Variants in RASSF3 observed in about 807,000 individuals in gnomAD.
RASSF3 encodes the protein Ras association domain family member 3, also known as ras association domain-containing protein 3.
RASSF3 carries 19 observed loss-of-function variants against 19.9 expected under a neutral mutation model. The ratio of observed to expected loss-of-function variants is 0.96; its 90% CI spans 0.67 to 1.40. The LOEUF (loss-of-function observed/expected upper bound fraction) is 1.40, where lower values mean the gene tolerates loss of function less well. RASSF3 is among the 40% of genes most tolerant of loss of function. The probability of loss-of-function intolerance (pLI) is 0.00; values close to 1 mark genes in which losing one functional copy is unlikely to be tolerated. For missense variants in RASSF3, 306 were observed against 289.8 expected (o/e 1.06, Z -0.41); for synonymous variants, 110 against 104.2 (o/e 1.06, Z -0.34).
chr12:64,624,793 G>T (rs929017902), intron 1 of RASSF3, among the ~76,000 whole-genome samples: 13 of 151,950 alleles, frequency 8.6e-5, no homozygotes, highest in Non-Finnish European at 1.9e-4. Context: ...CGAGTAGCTG[G>T]AACTACAGGC....
chr12:64,583,376 C>T (rs1869736108), intron 2 of RASSF3, among the ~76,000 whole-genome samples: 1 of 152,216 alleles, frequency 6.6e-6, no homozygotes, highest in African/African-American at 2.4e-5. Context: ...AATCCCAGCA[C>T]TTTGGGAGGC....
rs1347557539 is a variant in RASSF3, at chr12:64,520,551, CACACATATATATATATATATATATAT to C, written c.169+13224_169+13249del. On this transcript the variant is annotated intron_variant, in intron 1 of 5. Coordinates refer to the RASSF3 transcript ENST00000637125. ...GTATACACACACAGATACACACATACACACATATATATATATATATATATATATATATATATATATATATGCACATA... is the reference window on the plus strand; with the variant it reads ...GTATACACACACAGATACACACATACATATATATATATATATATGCACATA... Among the ~76,000 whole-genome samples, 241 of 120,126 alleles carry C rather than the reference CACACATATATATATATATATATATAT, an allele frequency of 2.0e-3. 2 individuals are homozygous for C. Among genetic ancestry groups the C allele is most frequent in the Middle Eastern group, 4.2e-3 (1 of 238 alleles). The allele number at this position is 120,126 out of a possible 152,430, so 78.8% of individuals were successfully genotyped here.
intron 3 of RASSF3, among the ~76,000 whole-genome samples, chr12:64,689,388 A>G (rs144803223): frequency 1.1e-3 from 172 of 152,344 alleles, no homozygotes; most frequent in African/African-American, 3.8e-3. Flanking sequence ...GTATGCATAC[A>G]TCTTTTTAAA....
At chr12:64,604,877 G>A (rs569700047) in intron 2 of RASSF3, among the ~76,000 whole-genome samples, 1 of 151,628 alleles carries the variant, frequency 6.6e-6, no homozygotes, top group Admixed American at 6.6e-5. Flanking sequence ...CGCCCGCCTC[G>A]GCCTCCCAAA....
Position 64,507,229 on chromosome 12 carries a change from TGA to T in RASSF3, c.72_73del (p.Glu24AspfsTer35). 2.5e-6 allele frequency: 1 copy of T among 398,670 alleles called. No individual in the cohort carries two copies. The highest frequency in any genetic ancestry group is 1.3e-4 in the South Asian group (1 of 7,862). 24.7% of individuals were successfully genotyped at this position (398,670 alleles called of 1,614,324 possible). On this transcript the variant is annotated frameshift_variant, in exon 1 of 6. Coordinates refer to the RASSF3 transcript ENST00000637125. LOFTEE classifies it high-confidence loss of function. The stretch of plus-strand genomic sequence containing the variant: ...CTATGGCCATAAGAAGTGACTTTCA[TGA>T]GACCTTCAGAAGAATAGCCCGGCTC...
intron 1 of RASSF3, among the ~76,000 whole-genome samples, chr12:64,522,179 A>G (rs1868491371): frequency 6.6e-6 from 1 of 152,228 alleles, no homozygotes; most frequent in Non-Finnish European, 1.5e-5. Context: ...AGAAGAATGA[A>G]CATCTTTGAA....
intron 1 of RASSF3, among the ~76,000 whole-genome samples, chr12:64,645,334 A>C (rs1871692310): frequency 1.3e-5 from 2 of 152,122 alleles, no homozygotes; most frequent in South Asian, 4.1e-4. Flanking sequence ...CATTTATAGG[A>C]TAAAGTACAT....
rs1054084322 is a variant in RASSF3, at chr12:64,548,347, T to A, written c.294+6642T>A. Among the ~76,000 whole-genome samples, 27 of 148,248 alleles carry A rather than the reference T, an allele frequency of 1.8e-4. No homozygotes were observed. The Middle Eastern group carries it at 0.01, about 57-fold the overall frequency. ...ACCATCATGCCCAGCTAGTTTTTTT[T>A]ATTTTTATTTATTTATTTTTTTTGT... On this transcript the variant is annotated intron_variant, in intron 2 of 5. Transcript: ENST00000637125.
intron 2 of RASSF3, among the ~76,000 whole-genome samples, chr12:64,595,902 G>A (rs1869992505): frequency 6.6e-6 from 1 of 152,122 alleles, no homozygotes; most frequent in Non-Finnish European, 1.5e-5. Flanking sequence ...ATAGAAACCA[G>A]AACCCCTTTT....
intron 1 of RASSF3, among the ~76,000 whole-genome samples, chr12:64,673,445 A>G (rs1261369893): frequency 3.3e-5 from 5 of 152,084 alleles, no homozygotes; most frequent in African/African-American, 1.2e-4. Flanking sequence ...CTATTTGAAA[A>G]CTTACTGTTG....
chr12:64,567,078 C>A lies in RASSF3; in HGVS notation c.294+25373C>A, dbSNP rs1869444563. Among the ~76,000 whole-genome samples the A allele has an allele frequency of 3.9e-5, 6 of 152,310 alleles. 1 individual carries two copies. The South Asian group carries it at 6.2e-4, about 16-fold the overall frequency. On this transcript the variant is annotated intron_variant, in intron 2 of 5. Coordinates refer to the RASSF3 transcript ENST00000637125. ...GTAAAGGAGCAGCTGGGGTTTGCAA[C>A]TGTTGGGGCAGATCAATTTCAAAAG...
chr12:64,580,542 G>A (rs1869675414), intron 2 of RASSF3, among the ~76,000 whole-genome samples: 1 of 147,938 alleles, frequency 6.8e-6, no homozygotes, highest in South Asian at 2.1e-4. Flanking sequence ...CCATCCTGGG[G>A]GATAGAATGA....
chr12:64,651,894 C>G (rs901531808), intron 1 of RASSF3, among the ~76,000 whole-genome samples: 4 of 152,150 alleles, frequency 2.6e-5, no homozygotes, highest in Non-Finnish European at 5.9e-5. Flanking sequence ...AGACTGGGCT[C>G]AAGCAATCCT....
At chr12:64,575,405 T>G (rs935087924) in intron 2 of RASSF3, among the ~76,000 whole-genome samples, 13 of 152,102 alleles carry the variant, frequency 8.5e-5, no homozygotes, top group African/African-American at 2.4e-4. Flanking sequence ...TACAAAAAAT[T>G]AGCCAGGCGT....
intron 2 of RASSF3, among the ~76,000 whole-genome samples, chr12:64,548,361 TA>T (rs1869104814): frequency 6.6e-6 from 1 of 151,864 alleles, no homozygotes; most frequent in Non-Finnish European, 1.5e-5. Flanking sequence ...TTTATTTATT[TA>T]TTTTTTTTGT....
Position 64,695,241 on chromosome 12 carries a change from C to T in RASSF3, c.*329C>T. 1 of 218,494 alleles carries T rather than the reference C, an allele frequency of 4.6e-6. No homozygotes were observed. Among genetic ancestry groups the T allele is most frequent in the Non-Finnish European group, 9.0e-6 (1 of 110,588 alleles). The allele number at this position is 218,494 out of a possible 1,614,324, so 13.5% of individuals were successfully genotyped here. ...TGGTTATTTTAATTATGTGATGATG[C>T]TGTTAAGCTTACAGATATGCAGTTG... On this transcript the variant is annotated 3_prime_UTR_variant, in exon 5 of 5. Transcript: ENST00000542104.
intron 1 of RASSF3, among the ~76,000 whole-genome samples, chr12:64,637,806 T>C (rs1440688847): frequency 6.6e-6 from 1 of 151,710 alleles, no homozygotes; most frequent in Non-Finnish European, 1.5e-5. Flanking sequence ...AGGATGTTGC[T>C]TTGTGCCCTT....
chr12:64,551,178 G>T (rs1316908482), intron 2 of RASSF3, among the ~76,000 whole-genome samples: 2 of 152,210 alleles, frequency 1.3e-5, no homozygotes, highest in Non-Finnish European at 2.9e-5. Context: ...CCTATGCACA[G>T]ATTAAGAGCA....
At chr12:64,599,197 A>G (rs1332330980) in intron 2 of RASSF3, 1 of 152,184 alleles carries the variant, frequency 6.6e-6, no homozygotes, top group Non-Finnish European at 1.5e-5. Context: ...TCCCAGCCTC[A>G]GCTCTGCTTC....
Sources: allele counts gnomAD v4.1 joint callset (sites outside exome capture counted in the v4.1 genomes callset), GRCh38; gene constraint gnomAD v4.1.1; transcripts MANE v1.5; gene names NCBI Gene and HGNC (gene_info 2026-07-23, HGNC 2026-07-21).